Variants in SLC39A11 observed in about 807,000 individuals in gnomAD.
SLC39A11 encodes the protein solute carrier family 39 member 11, also known as zinc transporter ZIP11.
In SLC39A11, 33 loss-of-function variants were observed where a neutral mutation model predicts 36.1. That is an observed-to-expected ratio of 0.91 (90% CI 0.69 to 1.22). The LOEUF (loss-of-function observed/expected upper bound fraction) is 1.22, where lower values mean the gene tolerates loss of function less well. SLC39A11 is among the 50% of genes most tolerant of loss of function. The pLI, the probability that SLC39A11 is intolerant of heterozygous loss-of-function variation, is 0.00. For missense variants in SLC39A11, 432 were observed against 430.3 expected, an observed-to-expected ratio of 1.00 and a Z score of -0.03; for synonymous variants, 166 against 170.3, an observed-to-expected ratio of 0.97 and a Z score of 0.20.
intron 7 of SLC39A11, among the ~76,000 whole-genome samples, chr17:72,689,319 T>C (rs2071905601): frequency 6.6e-6 from 1 of 152,236 alleles, no homozygotes; most frequent in East Asian, 1.9e-4. Flanking sequence ...AAGTAATTGT[T>C]TGAAAGCGTT....
At chr17:72,889,078 C>T (rs1416155676) in intron 5 of SLC39A11, among the ~76,000 whole-genome samples, 2 of 152,010 alleles carry the variant, frequency 1.3e-5, no homozygotes, top group African/African-American at 2.4e-5. Context: ...TCTCTATTTG[C>T]CCATTTTAAA....
intron 3 of SLC39A11, among the ~76,000 whole-genome samples, chr17:73,050,913 G>A (rs989189166): frequency 1.3e-5 from 2 of 150,984 alleles, no homozygotes; most frequent in African/African-American, 2.4e-5. Flanking sequence ...GATCCAATTC[G>A]GGATGTATTT....
chr17:73,018,924 G>A (rs1425233439), intron 4 of SLC39A11, among the ~76,000 whole-genome samples: 1 of 151,882 alleles, frequency 6.6e-6, no homozygotes, highest in East Asian at 1.9e-4. Context: ...AAAAACTAAT[G>A]ATAAAGTCTT....
intron 4 of SLC39A11, among the ~76,000 whole-genome samples, chr17:72,962,667 GC>G (rs2147942338): frequency 6.6e-6 from 1 of 152,208 alleles, no homozygotes; most frequent in Non-Finnish European, 1.5e-5. Flanking sequence ...TTCCCAAGTA[GC>G]TGGGACTACA....
intron 6 of SLC39A11, among the ~76,000 whole-genome samples, chr17:72,790,304 G>T (rs1221679484): frequency 6.6e-6 from 1 of 152,076 alleles, no homozygotes; most frequent in Non-Finnish European, 1.5e-5. Flanking sequence ...AAACAAACAT[G>T]TGAAATACAA....
At chr17:73,024,387 C>T (rs7222714) in intron 4 of SLC39A11, among the ~76,000 whole-genome samples, 6,550 of 152,222 alleles carry the variant, frequency 0.043, 488 homozygotes, top group African/African-American at 0.14. Context: ...CCCCACGAAA[C>T]GAGTCGGGCT....
intron 6 of SLC39A11, among the ~76,000 whole-genome samples, chr17:72,813,103 T>C (rs547097375): frequency 1.3e-5 from 2 of 152,298 alleles, no homozygotes; most frequent in South Asian, 4.1e-4. Flanking sequence ...ATAGCTCCCG[T>C]CTATTATTGC....
chr17:72,781,065 T>C (rs966400396), intron 6 of SLC39A11, among the ~76,000 whole-genome samples: 4 of 152,256 alleles, frequency 2.6e-5, no homozygotes, highest in South Asian at 2.1e-4. Flanking sequence ...GCCTGAGCTC[T>C]AATCCCCAAA....
intron 3 of SLC39A11, among the ~76,000 whole-genome samples, chr17:73,054,984 G>C (rs112295927): frequency 1.2e-4 from 18 of 152,094 alleles, no homozygotes; most frequent in Non-Finnish European, 2.9e-5. Flanking sequence ...CAGAAGAGAA[G>C]GGCAGAGCAA....
chr17:72,809,203 CTCT>C (rs1568127577), intron 6 of SLC39A11, among the ~76,000 whole-genome samples: 73 of 143,474 alleles, frequency 5.1e-4, no homozygotes, highest in Non-Finnish European at 5.5e-4. Flanking sequence ...TTTTCTTTCT[CTCT>C]CTCTCTCTCT....
At chr17:72,648,599 C>T (rs1386836983) in intron 9 of SLC39A11, among the ~76,000 whole-genome samples, 1 of 152,144 alleles carries the variant, frequency 6.6e-6, no homozygotes, top group Non-Finnish European at 1.5e-5. Context: ...GGTGTCACCT[C>T]ATTTCTTGAC....
chr17:73,000,232 T>G (rs2089742013), intron 4 of SLC39A11, among the ~76,000 whole-genome samples: 2 of 136,828 alleles, frequency 1.5e-5, no homozygotes, highest in East Asian at 2.5e-4. Context: ...CCCTCCCCCA[T>G]TCCCCTCTTC....
At chr17:72,798,001 G>T (rs1048630625) in intron 6 of SLC39A11, among the ~76,000 whole-genome samples, 3 of 152,246 alleles carry the variant, frequency 2.0e-5, no homozygotes, top group African/African-American at 7.2e-5. Context: ...AAAGGAGAAA[G>T]GACAGACGTG....
At chr17:73,057,397 T>C (rs1413238510) in intron 3 of SLC39A11, among the ~76,000 whole-genome samples, 4 of 152,240 alleles carry the variant, frequency 2.6e-5, no homozygotes, top group Admixed American at 6.5e-5. Context: ...AAATATTTTA[T>C]GTTGACTGAC....
chr17:72,710,793 C>A (rs2713959), intron 7 of SLC39A11, among the ~76,000 whole-genome samples: 121,813 of 152,060 alleles, frequency 0.8, 48,864 homozygotes, highest in Admixed American at 0.85. Flanking sequence ...TCTTCCTCCA[C>A]CTCCACTACT....
chr17:72,762,126 CT>C (rs1369224856), intron 6 of SLC39A11, among the ~76,000 whole-genome samples: 1 of 152,182 alleles, frequency 6.6e-6, no homozygotes, highest in Non-Finnish European at 1.5e-5. Flanking sequence ...TGAATAGGGG[CT>C]GCGTAAAATG....
intron 5 of SLC39A11, among the ~76,000 whole-genome samples, chr17:72,913,316 G>A (rs3606): frequency 0.28 from 43,190 of 152,070 alleles, 6,365 homozygotes; most frequent in Non-Finnish European, 0.34. Context: ...TAATCATGGA[G>A]GCAAGCTCCC....
chr17:72,740,582 GCA>G, intron 6 of SLC39A11, among the ~76,000 whole-genome samples: 1 of 152,144 alleles, frequency 6.6e-6, no homozygotes, highest in Middle Eastern at 3.4e-3. Context: ...CTTCTTGGGA[GCA>G]CTTCCAGCAT....
At chr17:72,704,188 G>A (rs186248016) in intron 7 of SLC39A11, among the ~76,000 whole-genome samples, 19 of 152,286 alleles carry the variant, frequency 1.2e-4, no homozygotes, top group Non-Finnish European at 2.2e-4. Context: ...ACACTGTATG[G>A]AGCATTTTAG....
Sources: gnomAD v4.1 joint callset for allele counts (sites outside exome capture counted in the v4.1 genomes callset) on GRCh38, gnomAD v4.1.1 for gene constraint, MANE v1.5 for transcripts, NCBI Gene and HGNC (gene_info 2026-07-23, HGNC 2026-07-21) for gene names.